Variants in GRK1 observed in about 807,000 individuals in gnomAD.
The protein encoded by GRK1 is rhodopsin kinase GRK1.
A neutral mutation model predicts 41.7 loss-of-function variants in GRK1; 28 were observed. The observed-to-expected ratio is 0.67, with a 90% CI of 0.50 to 0.92. GRK1 has a LOEUF of 0.92. Among genes scored for constraint, GRK1 ranks in the 40% least tolerant of loss-of-function variants. The pLI is 0.00. For missense variants in GRK1, 703 were observed against 671.2 expected (o/e 1.05, Z -0.52); for synonymous variants, 327 against 286.7 (o/e 1.14, Z -1.42).
the GRK1 span, among the ~76,000 whole-genome samples, chr13:113,654,410 G>A: frequency 6.6e-6 from 1 of 152,150 alleles, no homozygotes; most frequent in Admixed American, 6.5e-5. Flanking sequence ...TCCCGGGTGT[G>A]CTCCTTGGAA....
At chr13:113,652,709 G>A in the GRK1 span, 27 of 765,538 alleles carry the variant, frequency 3.5e-5, 1 homozygote, top group African/African-American at 2.6e-4. Flanking sequence ...AGAACCACAC[G>A]GGACAGGTGC....
chr13:113,723,297 T>G (rs1310684351), intron 4 of GRK1, 140 bp downstream of exon 4: 3 of 513,486 alleles, frequency 5.8e-6, no homozygotes, highest in African/African-American at 5.8e-5. Flanking sequence ...TCTGTGTGGT[T>G]GTGCATTTGT....
chr13:113,725,009 C>T (rs542088127), intron 4 of GRK1, among the ~76,000 whole-genome samples: 4 of 152,260 alleles, frequency 2.6e-5, no homozygotes, highest in African/African-American at 9.6e-5. Flanking sequence ...AAGCCTTCGC[C>T]GGCGCCCGTT....
In GRK1 at chr13:113,667,669, T is replaced by C; in HGVS notation, c.283T>C (p.Tyr95His). The change falls in exon 1 of 7, where the codon TAT becomes CAT. Residue 95 changes from tyrosine to histidine, a missense_variant. Tyr to His is a moderately conservative substitution (Grantham distance 83). Transcript: ENST00000335678. The surrounding 1 kb of genome is among the most constrained non-coding windows in gnomAD (Gnocchi z 7.5). Reference protein sequence around the residue: ...ALELWKDIEDYDTADNDLQPQ... With the variant: ...ALELWKDIEDHDTADNDLQPQ... ...GGAGCTCTGGAAAGACATCGAGGAC[T>C]ATGACACGGCAGACAATGACCTCCA... 6.2e-7 allele frequency: 1 copy of C among 1,613,600 alleles called. No homozygotes were observed. Among genetic ancestry groups the C allele is most frequent in the Non-Finnish European group, 8.5e-7 (1 of 1,179,904 alleles).
chr13:113,661,360 A>T, the GRK1 span, among the ~76,000 whole-genome samples: 1 of 152,138 alleles, frequency 6.6e-6, no homozygotes, highest in Non-Finnish European at 1.5e-5. Context: ...TAAGAGGAAA[A>T]TTTATAGCAC....
At chr13:113,732,397 C>T (rs969147848) in intron 5 of GRK1, among the ~76,000 whole-genome samples, 3 of 152,324 alleles carry the variant, frequency 2.0e-5, no homozygotes, top group East Asian at 3.9e-4. Context: ...CAGGGCAACC[C>T]GTGGGAGTAG....
intron 4 of GRK1, among the ~76,000 whole-genome samples, chr13:113,724,083 C>T (rs1015855724): frequency 2.0e-5 from 3 of 152,330 alleles, no homozygotes; most frequent in African/African-American, 7.2e-5. Context: ...TCTCCTCTCA[C>T]CTCCCCCCAG....
chr13:113,662,405 A>G (rs1342348924), upstream of GRK1, among the ~76,000 whole-genome samples: 3 of 152,244 alleles, frequency 2.0e-5, no homozygotes, highest in Non-Finnish European at 4.4e-5. Flanking sequence ...GACCGGGAAC[A>G]AGCCCCTCAT....
At position 113,668,162 on chromosome 13, in the gene GRK1, A is replaced by C. The variant is rs375881900; in HGVS notation, c.699+77A>C. On this transcript the variant is annotated intron_variant, in intron 1 of 6. Coordinates refer to ENST00000335678, the MANE Select transcript of GRK1 (RefSeq NM_002929.3). ...GGGCGGCAGGGTGCAGAGGGCCCCC[A>C]GGTCACTGTCGGCTCCGGGGCCCTT... is the stretch of plus-strand genomic sequence containing the variant. 39 of 1,446,272 alleles carry C rather than the reference A, an allele frequency of 2.7e-5. No homozygotes were observed. In the African/African-American group the frequency reaches 4.9e-4, roughly 18 times the overall value. The allele number at this position is 1,446,272 out of a possible 1,614,324, so 89.6% of individuals were successfully genotyped here.
intron 1 of GRK1, among the ~76,000 whole-genome samples, chr13:113,669,451 A>G (rs1049473904): frequency 3.3e-5 from 5 of 152,240 alleles, no homozygotes; most frequent in Non-Finnish European, 7.3e-5. Flanking sequence ...AGGCTGGCCC[A>G]GAAGACCAGA....
chr13:113,671,671 C>G lies in GRK1; in HGVS notation c.985+15C>G, dbSNP rs528818713. ...GGACAATGACGGTAGGAGGTGCCCTCGGCTGGGAGGGATGAGGGCTACGAG... is the reference window on the plus strand; with the variant it reads ...GGACAATGACGGTAGGAGGTGCCCTGGGCTGGGAGGGATGAGGGCTACGAG... On this transcript the variant is annotated intron_variant, in intron 3 of 6. Coordinates refer to ENST00000335678, the MANE Select transcript of GRK1 (RefSeq NM_002929.3). The surrounding 1 kb of genome is among the most constrained non-coding windows in gnomAD (Gnocchi z 4.1). 4.1e-6 allele frequency: 3 copies of G among 740,562 alleles called. No individual in the cohort carries two copies. Among genetic ancestry groups the G allele is most frequent in the Non-Finnish European group, 7.4e-6 (3 of 406,020 alleles). 45.9% of individuals were successfully genotyped at this position (740,562 alleles called of 1,614,324 possible). A position where few individuals can be genotyped will look rare whatever the true frequency, so the allele number is the denominator to read the frequency against.
chr13:113,651,090 C>A, the GRK1 span, among the ~76,000 whole-genome samples: 15 of 151,776 alleles, frequency 9.9e-5, no homozygotes, highest in African/African-American at 1.9e-4. Flanking sequence ...GTGAGGTTCC[C>A]TCGGACACCC....
Position 113,671,641 on chromosome 13 carries a change from CT to C in GRK1, c.971del (p.Leu324ArgfsTer62), listed in dbSNP as rs2049858551. The C allele has an allele frequency of 3.9e-6, 3 of 765,330 alleles. No individual in the cohort carries two copies. In the East Asian group the frequency reaches 7.3e-5, roughly 19 times the overall value. The allele number at this position is 765,330 out of a possible 1,614,324, so 47.4% of individuals were successfully genotyped here. On this transcript the variant is annotated frameshift_variant, in exon 3 of 7. Transcript: ENST00000335678. LOFTEE classifies it high-confidence loss of function. This position sits in a 1 kb window ranked among gnomAD's most constrained non-coding sequence, Gnocchi z 4.1. The stretch of plus-strand genomic sequence containing the variant: ...CCGCGACCTCAAGCCCGAGAACGTG[CT>C]GCTGGACAATGACGGTAGGAGGTGC... Reference protein sequence around the residue: ...VYRDLKPENVLLDNDGNVRIS... With the variant: ...VYRDLKPENVXLDNDGNVRIS...
At chr13:113,733,789 GTGTGTA>G (rs2049967704) in intron 6 of GRK1, among the ~76,000 whole-genome samples, 4 of 138,370 alleles carry the variant, frequency 2.9e-5, no homozygotes, top group Admixed American at 1.4e-4. Flanking sequence ...GTGTGTGCAT[GTGTGTA>G]TGTGTATCTG....
At chr13:113,723,435 G>A (rs148558287) in intron 4 of GRK1, among the ~76,000 whole-genome samples, 2,200 of 152,144 alleles carry the variant, frequency 0.014, 58 homozygotes, top group African/African-American at 0.05. Context: ...GGTGGTCGCC[G>A]CACAGTTTGG....
intron 4 of GRK1, among the ~76,000 whole-genome samples, chr13:113,727,743 TGAG>T (rs1304198763): frequency 9.9e-6 from 1 of 100,740 alleles, no homozygotes; most frequent in Non-Finnish European, 2.0e-5. Context: ...CCCATGGCGA[TGAG>T]GACCCATGGC....
At chr13:113,649,155 C>T in the GRK1 span, 62 of 434,990 alleles carry the variant, frequency 1.4e-4, no homozygotes, top group Non-Finnish European at 2.3e-4. The surrounding 1 kb of genome is among the most constrained non-coding windows in gnomAD (Gnocchi z 4.7). Flanking sequence ...GCAGCAAATT[C>T]CATCTAAAAA....
chr13:113,733,926 A>ATACG lies in GRK1; in HGVS notation c.1396+842_1396+843insACGT, dbSNP rs1464744217. Among the ~76,000 whole-genome samples the ATACG allele has an allele frequency of 2.4e-3, 108 of 45,758 alleles. 1 individual carries two copies. Among genetic ancestry groups the ATACG allele is most frequent in the African/African-American group, 7.2e-3 (90 of 12,480 alleles). 30.0% of individuals were successfully genotyped at this position (45,758 alleles called of 152,430 possible). On this transcript the variant is annotated intron_variant, in intron 6 of 6. Coordinates refer to ENST00000335678, the MANE Select transcript of GRK1 (RefSeq NM_002929.3). ...GTGTGCATACAGTGTGCGTGTGTGC[A>ATACG]TGTGTGCATACGTGTGTGCGTGTGT...
Position 113,735,578 on chromosome 13 carries a change from T to A in GRK1, c.*215T>A. Reference sequence around the variant, plus strand: ...CATGCTGGTGCCGTGAGCCCCCGACTGCATATTTCACGTCTTTTGCTCCAT... The same window carrying A: ...CATGCTGGTGCCGTGAGCCCCCGACAGCATATTTCACGTCTTTTGCTCCAT... On this transcript the variant is annotated 3_prime_UTR_variant, in exon 7 of 7. Transcript: ENST00000335678. The A allele has an allele frequency of 2.0e-6, 1 of 491,354 alleles. No homozygotes were observed. Among genetic ancestry groups the A allele is most frequent in the South Asian group, 4.3e-5 (1 of 23,128 alleles). 30.4% of individuals were successfully genotyped at this position (491,354 alleles called of 1,614,324 possible). A position where few individuals can be genotyped will look rare whatever the true frequency, so the allele number is the denominator to read the frequency against.
Sources: gnomAD v4.1 joint callset for allele counts (sites outside exome capture counted in the v4.1 genomes callset) on GRCh38, gnomAD v4.1.1 for gene constraint, Gnocchi (gnomAD v3.1) non-coding constraint, MANE v1.5 for transcripts, NCBI Gene and HGNC (gene_info 2026-07-23, HGNC 2026-07-21) for gene names.